The following NRG3 variants were observed in gnomAD, a reference collection of about 807,000 sequenced individuals.
NRG3 encodes neuregulin 3.
Under a neutral mutation model 66.9 loss-of-function variants are expected in NRG3, and 31 were observed. The ratio of observed to expected loss-of-function variants is 0.46; its 90% confidence interval spans 0.35 to 0.63. NRG3 has a LOEUF of 0.63. Ranked by LOEUF, NRG3 falls within the 20% of genes least tolerant of loss-of-function variation. NRG3 has a pLI of 0.00. For missense variants in NRG3, 910 were observed against 878.9 expected (o/e 1.04, Z -0.45); for synonymous variants, 393 against 359.4 (o/e 1.09, Z -1.06).
At chr10:82,452,364 G>C (rs764156681) in intron 2 of NRG3, among the ~76,000 whole-genome samples, 1 of 152,158 alleles carries the variant, frequency 6.6e-6, no homozygotes, top group Non-Finnish European at 1.5e-5. Flanking sequence ...AGAACTCCAT[G>C]AGCTTTCAGG....
chr10:82,886,751 G>A (rs544318087), intron 4 of NRG3, among the ~76,000 whole-genome samples: 2 of 152,278 alleles, frequency 1.3e-5, no homozygotes, highest in East Asian at 3.9e-4. Flanking sequence ...TAAAGACAAA[G>A]TTAGGTTTCA....
At chr10:82,006,947 G>A (rs567816135) in intron 1 of NRG3, among the ~76,000 whole-genome samples, 3 of 152,144 alleles carry the variant, frequency 2.0e-5, no homozygotes, top group Non-Finnish European at 4.4e-5. Context: ...GCAAAAAATT[G>A]CCATCTTCCT....
intron 2 of NRG3, among the ~76,000 whole-genome samples, chr10:82,737,581 A>G (rs2058215912): frequency 6.6e-6 from 1 of 152,152 alleles, no homozygotes; most frequent in African/African-American, 2.4e-5. Flanking sequence ...CTTAAGTAGG[A>G]CAGATTCATC....
chr10:82,840,564 G>A (rs980957382), intron 3 of NRG3, among the ~76,000 whole-genome samples: 2 of 152,040 alleles, frequency 1.3e-5, no homozygotes, highest in Non-Finnish European at 2.9e-5. Flanking sequence ...ATTCTATTTT[G>A]CCCAATTAGG....
At chr10:82,015,447 C>T (rs373727120) in intron 1 of NRG3, among the ~76,000 whole-genome samples, 6 of 152,116 alleles carry the variant, frequency 3.9e-5, no homozygotes, top group East Asian at 1.9e-4. Flanking sequence ...ACCCAAATCT[C>T]ATCCTGAATT....
intron 2 of NRG3, among the ~76,000 whole-genome samples, chr10:82,458,414 C>T (rs1158948505): frequency 6.6e-6 from 1 of 152,182 alleles, no homozygotes; most frequent in Non-Finnish European, 1.5e-5. Context: ...CAAAGATGAA[C>T]TCCATCCTGA....
At chr10:81,956,825 C>T (rs142872849) in intron 1 of NRG3, among the ~76,000 whole-genome samples, 1 of 152,154 alleles carries the variant, frequency 6.6e-6, no homozygotes, top group African/African-American at 2.4e-5. Flanking sequence ...TCCTCACTAT[C>T]CCCTATTAGG....
chr10:82,841,245 T>C (rs931231337), intron 3 of NRG3, among the ~76,000 whole-genome samples: 2 of 152,196 alleles, frequency 1.3e-5, no homozygotes, highest in African/African-American at 4.8e-5. Flanking sequence ...AACCCCTTGA[T>C]TTAGGACTTC....
At chr10:82,634,082 C>T (rs1004006835) in intron 2 of NRG3, among the ~76,000 whole-genome samples, 1 of 152,194 alleles carries the variant, frequency 6.6e-6, no homozygotes, top group African/African-American at 2.4e-5. Context: ...ATATTAGCAG[C>T]ATGGGCCTTT....
At chr10:82,455,447 G>C (rs1005498877) in intron 2 of NRG3, among the ~76,000 whole-genome samples, 1 of 151,998 alleles carries the variant, frequency 6.6e-6, no homozygotes, top group Non-Finnish European at 1.5e-5. Context: ...TAAACATATA[G>C]GACAAAAGGT....
At chr10:82,363,915 T>C (rs548576169) in intron 2 of NRG3, among the ~76,000 whole-genome samples, 180 of 152,312 alleles carry the variant, frequency 1.2e-3, no homozygotes, top group African/African-American at 4.1e-3. Flanking sequence ...TTTGAGGATA[T>C]CCAATGGTCA....
chr10:82,388,459 G>T (rs909525415), intron 2 of NRG3, among the ~76,000 whole-genome samples: 4 of 152,150 alleles, frequency 2.6e-5, no homozygotes, highest in Admixed American at 2.6e-4. Flanking sequence ...CAAGATGTGA[G>T]ACAGGTAATT....
chr10:82,316,963 T>TCATGTGTTCAGCGTG (rs1173906744), intron 1 of NRG3, among the ~76,000 whole-genome samples: 2 of 152,170 alleles, frequency 1.3e-5, no homozygotes, highest in African/African-American at 2.4e-5. Flanking sequence ...TCAGTCTAGC[T>TCATGTGTTCAGCGTG]CATGTGTTCA....
At chr10:82,720,810 C>CACATATATATATAT (rs2057257043) in intron 2 of NRG3, among the ~76,000 whole-genome samples, 1 of 114,738 alleles carries the variant, frequency 8.7e-6, no homozygotes, top group East Asian at 2.4e-4. Context: ...GTATTTTATA[C>CACATATATATATAT]ATATATATAT....
chr10:82,682,662 C>T (rs1327470459), intron 2 of NRG3, among the ~76,000 whole-genome samples: 7 of 152,032 alleles, frequency 4.6e-5, no homozygotes, highest in Non-Finnish European at 5.9e-5. Flanking sequence ...TCTGAAGATC[C>T]GAACATCTCT....
At chr10:82,463,109 G>A (rs776982410) in intron 2 of NRG3, among the ~76,000 whole-genome samples, 6 of 152,124 alleles carry the variant, frequency 3.9e-5, no homozygotes, top group Non-Finnish European at 8.8e-5. Flanking sequence ...AGTGAGCAGC[G>A]CTTTTAATAT....
At chr10:82,797,974 G>A (rs2060872589) in intron 3 of NRG3, among the ~76,000 whole-genome samples, 1 of 152,066 alleles carries the variant, frequency 6.6e-6, no homozygotes, top group Non-Finnish European at 1.5e-5. Context: ...AAATAATCAT[G>A]ACTACATTAA....
chr10:82,892,227 A>C (rs1233915905), intron 4 of NRG3, among the ~76,000 whole-genome samples: 1 of 152,168 alleles, frequency 6.6e-6, no homozygotes, highest in Non-Finnish European at 1.5e-5. Flanking sequence ...GGAAATAGAG[A>C]TGTTGAGTAC....
At chr10:82,219,895 A>G (rs1458918193) in intron 1 of NRG3, among the ~76,000 whole-genome samples, 1 of 152,098 alleles carries the variant, frequency 6.6e-6, no homozygotes, top group Non-Finnish European at 1.5e-5. Flanking sequence ...CAGTATCACG[A>G]TACAGGGAGA....
Sources: allele counts gnomAD v4.1 joint callset (sites outside exome capture counted in the v4.1 genomes callset), GRCh38; gene constraint gnomAD v4.1.1; transcripts MANE v1.5; gene names NCBI Gene and HGNC (gene_info 2026-07-23, HGNC 2026-07-21).